Variants in CCSER1 observed in about 807,000 individuals in gnomAD.
CCSER1 encodes coiled-coil serine rich protein 1, also known as serine-rich coiled-coil domain-containing protein 1.
Under a neutral mutation model 82.0 loss-of-function variants are expected in CCSER1, and 41 were observed. The ratio of observed to expected loss-of-function variants is 0.50; its 90% CI spans 0.39 to 0.65. The LOEUF (loss-of-function observed/expected upper bound fraction) is 0.65, where lower values mean the gene tolerates loss of function less well. Ranked by LOEUF, CCSER1 falls within the 30% of genes least tolerant of loss-of-function variation. The pLI, the probability that CCSER1 is intolerant of heterozygous loss-of-function variation, is 0.00. For synonymous variants in CCSER1, 414 were observed against 383.9 expected, an observed-to-expected ratio of 1.08 and a Z score of -0.92; for missense variants, 1,119 against 1,064.2, an observed-to-expected ratio of 1.05 and a Z score of -0.72.
chr4:90,279,061 A>G (rs572902820), intron 1 of CCSER1, among the ~76,000 whole-genome samples: 4 of 152,178 alleles, frequency 2.6e-5, no homozygotes, highest in Admixed American at 1.3e-4. Flanking sequence ...ATATTCTATA[A>G]TGGCACTTTT....
In CCSER1 at chr4:90,312,869, C is replaced by A; in HGVS notation, c.1331C>A (p.Ala444Asp). 2 of 1,560,940 alleles carry A rather than the reference C, an allele frequency of 1.3e-6. No individual in the cohort carries two copies. The highest frequency in any genetic ancestry group is 1.7e-6 in the Non-Finnish European group (2 of 1,149,946). The change falls in exon 3 of 11, where the codon GCC becomes GAC. Residue 444 changes from alanine (A) to aspartate (D), a missense_variant. Ala to Asp is a moderately radical substitution (Grantham distance 126). Coordinates refer to ENST00000509176, the MANE Select transcript of CCSER1 (RefSeq NM_001145065.2). Reference protein sequence around the residue: ...GYEANPAKVLASSLSPFREGR... With the variant: ...GYEANPAKVLDSSLSPFREGR... ...TTTATTTTCCTTTCCATAGTTCTTG[C>A]CAGTAGTCTCAGTCCATTTCGTGAA...
At chr4:90,551,273 T>C (rs1009408296) in intron 5 of CCSER1, among the ~76,000 whole-genome samples, 4 of 152,174 alleles carry the variant, frequency 2.6e-5, no homozygotes, top group African/African-American at 9.7e-5. Context: ...TCCAAATCTC[T>C]TCACATGTTT....
chr4:90,607,341 A>C (rs1390326851), intron 5 of CCSER1, among the ~76,000 whole-genome samples: 2 of 152,186 alleles, frequency 1.3e-5, no homozygotes, highest in African/African-American at 4.8e-5. Flanking sequence ...TTAAGGAAGG[A>C]GCATTTATTA....
At chr4:90,684,289 T>G (rs571848808) in intron 6 of CCSER1, among the ~76,000 whole-genome samples, 1 of 152,106 alleles carries the variant, frequency 6.6e-6, no homozygotes, top group Non-Finnish European at 1.5e-5. Context: ...TTATTTAACT[T>G]CTTTGAGATG....
At chr4:90,996,386 C>A (rs1737496984) in intron 9 of CCSER1, among the ~76,000 whole-genome samples, 1 of 151,940 alleles carries the variant, frequency 6.6e-6, no homozygotes, top group Non-Finnish European at 1.5e-5. Flanking sequence ...AGACAGCTAC[C>A]CCATTAATAG....
intron 7 of CCSER1, among the ~76,000 whole-genome samples, chr4:90,727,716 G>T (rs957568306): frequency 1.3e-5 from 2 of 152,114 alleles, no homozygotes; most frequent in African/African-American, 4.8e-5. Flanking sequence ...AGCTAAAGCT[G>T]GCTCGTTGCT....
chr4:90,910,515 T>C (rs1457115214), intron 8 of CCSER1, among the ~76,000 whole-genome samples: 1 of 152,214 alleles, frequency 6.6e-6, no homozygotes, highest in East Asian at 1.9e-4. Context: ...CAATCTCTTA[T>C]AGGTGTTCAA....
intron 7 of CCSER1, among the ~76,000 whole-genome samples, chr4:90,765,564 A>G (rs1751093952): frequency 6.6e-6 from 1 of 152,038 alleles, no homozygotes; most frequent in South Asian, 2.1e-4. Flanking sequence ...TTTGAAGGAG[A>G]GTGATCCTGT....
intron 10 of CCSER1, among the ~76,000 whole-genome samples, chr4:91,202,247 T>C (rs1735960407): frequency 6.6e-6 from 1 of 151,830 alleles, no homozygotes; most frequent in African/African-American, 2.4e-5. Context: ...TTCGTATTTC[T>C]TATCTTGCTA....
chr4:90,890,970 T>C (rs1391385174), intron 8 of CCSER1, among the ~76,000 whole-genome samples: 1 of 152,046 alleles, frequency 6.6e-6, no homozygotes, highest in African/African-American at 2.4e-5. Context: ...TCATTTTAAA[T>C]AAGACCCATA....
chr4:90,444,787 C>T (rs141885687), intron 4 of CCSER1, among the ~76,000 whole-genome samples: 24 of 152,022 alleles, frequency 1.6e-4, no homozygotes, highest in Admixed American at 1.5e-3. Flanking sequence ...TTCGACAATA[C>T]CTTTATTAAA....
At chr4:90,705,498 G>T (rs1280616036) in intron 6 of CCSER1, among the ~76,000 whole-genome samples, 1 of 152,192 alleles carries the variant, frequency 6.6e-6, no homozygotes, top group African/African-American at 2.4e-5. Context: ...TCTCTTCAAA[G>T]GTGTCAGACA....
chr4:90,360,095 T>C (rs1328878631), intron 3 of CCSER1, among the ~76,000 whole-genome samples: 1 of 148,826 alleles, frequency 6.7e-6, no homozygotes, highest in Non-Finnish European at 1.5e-5. Context: ...TTTTTTGTAT[T>C]TTTAGTAGAG....
chr4:91,079,245 C>A (rs1010107232), intron 9 of CCSER1, among the ~76,000 whole-genome samples: 2 of 151,880 alleles, frequency 1.3e-5, no homozygotes, highest in African/African-American at 4.9e-5. Context: ...ACTCTACACA[C>A]CAGAAGAGAG....
chr4:90,694,092 A>G (rs1272147732), intron 6 of CCSER1, among the ~76,000 whole-genome samples: 3 of 151,998 alleles, frequency 2.0e-5, no homozygotes, highest in Non-Finnish European at 4.4e-5. Context: ...CTTAACCAGG[A>G]TAAATGACCA....
intron 5 of CCSER1, among the ~76,000 whole-genome samples, chr4:90,483,279 A>G (rs1040604414): frequency 6.6e-6 from 1 of 152,104 alleles, no homozygotes; most frequent in African/African-American, 2.4e-5. Flanking sequence ...TGCACATGAG[A>G]TGGGTCTCCT....
chr4:90,787,485 G>T (rs897089), intron 7 of CCSER1, among the ~76,000 whole-genome samples: 80,594 of 152,006 alleles, frequency 0.53, 21,953 homozygotes, highest in African/African-American at 0.65. Flanking sequence ...ATTTTTTAAT[G>T]GTTGTTTACT....
At chr4:91,042,418 C>G (rs1742040833) in intron 9 of CCSER1, among the ~76,000 whole-genome samples, 1 of 152,126 alleles carries the variant, frequency 6.6e-6, no homozygotes, top group African/African-American at 2.4e-5. Flanking sequence ...ATTGCCCAGT[C>G]TCGGGCGGTT....
intron 3 of CCSER1, among the ~76,000 whole-genome samples, chr4:90,365,621 G>A (rs1002528953): frequency 4.0e-5 from 6 of 151,756 alleles, no homozygotes; most frequent in Non-Finnish European, 8.9e-5. Flanking sequence ...TATGCAAAGG[G>A]TTATTGGACA....
Sources: allele counts gnomAD v4.1 joint callset (sites outside exome capture counted in the v4.1 genomes callset), GRCh38; gene constraint gnomAD v4.1.1; transcripts MANE v1.5; gene names NCBI Gene and HGNC (gene_info 2026-07-23, HGNC 2026-07-21).